Variants in FARP1 observed in about 807,000 individuals in gnomAD.
The protein encoded by FARP1 is FERM, ARH/RhoGEF and pleckstrin domain protein 1.
In FARP1, 52 loss-of-function variants were observed where a neutral mutation model predicts 128.8. The observed-to-expected ratio is 0.40, with a 90% CI of 0.32 to 0.51. The LOEUF (loss-of-function observed/expected upper bound fraction) is 0.51. Among genes scored for constraint, FARP1 ranks in the 20% least tolerant of loss-of-function variants. The pLI is 0.45. For missense variants in FARP1, 1,333 were observed against 1,367.9 expected, an observed-to-expected ratio of 0.97 and a Z score of 0.40; for synonymous variants, 580 against 551.8, an observed-to-expected ratio of 1.05 and a Z score of -0.72.
chr13:98,316,991 A>C (rs1297422018), intron 2 of FARP1, among the ~76,000 whole-genome samples: 2 of 152,184 alleles, frequency 1.3e-5, no homozygotes, highest in Non-Finnish European at 2.9e-5. Flanking sequence ...TCACCCCCAG[A>C]ATTACAGTTT....
At chr13:98,197,608 G>A (rs1174771771) in intron 1 of FARP1, among the ~76,000 whole-genome samples, 3 of 151,818 alleles carry the variant, frequency 2.0e-5, no homozygotes, top group Non-Finnish European at 4.4e-5. Flanking sequence ...AAATGGTAGA[G>A]GGCAGGAGAA....
intron 16 of FARP1, 61 bp from the exon 17 acceptor site, chr13:98,424,511 C>G (rs1041002514): frequency 5.6e-6 from 6 of 1,068,642 alleles, no homozygotes; most frequent in South Asian, 1.3e-5. Context: ...ATATTTGTAA[C>G]CCAGGGCTGT....
intron 2 of FARP1, among the ~76,000 whole-genome samples, chr13:98,285,570 G>C (rs1259734290): frequency 6.6e-6 from 1 of 152,150 alleles, no homozygotes; most frequent in Non-Finnish European, 1.5e-5. Context: ...AACCTAAGTG[G>C]ATCCTGGTTG....
intron 19 of FARP1, chr13:98,437,844 T>C: frequency 1.3e-6 from 2 of 1,596,510 alleles, no homozygotes; most frequent in Non-Finnish European, 1.7e-6. Flanking sequence ...GAGGAGGCCA[T>C]TGTTATTAGT....
At chr13:98,302,789 A>G (rs1885977571) in intron 2 of FARP1, among the ~76,000 whole-genome samples, 1 of 152,202 alleles carries the variant, frequency 6.6e-6, no homozygotes, top group South Asian at 2.1e-4. Flanking sequence ...GAGTAGGGGC[A>G]GGAGCAGCTC....
At chr13:98,427,912 T>A (rs1473009188) in intron 17 of FARP1, among the ~76,000 whole-genome samples, 2 of 152,212 alleles carry the variant, frequency 1.3e-5, no homozygotes, top group East Asian at 1.9e-4. Flanking sequence ...GGGTTTTTTT[T>A]AATTGCTGTT....
intron 16 of FARP1, among the ~76,000 whole-genome samples, chr13:98,413,023 A>T (rs1413764298): frequency 6.6e-6 from 1 of 152,220 alleles, no homozygotes. Context: ...GCCTCTGGTG[A>T]TCCCAGACTG....
At chr13:98,259,460 G>C (rs1213836817) in intron 2 of FARP1, among the ~76,000 whole-genome samples, 6 of 152,046 alleles carry the variant, frequency 3.9e-5, no homozygotes, top group African/African-American at 1.2e-4. Flanking sequence ...AGTGCAGCCT[G>C]TCTTACTGCT....
chr13:98,297,759 G>A (rs193209166), intron 2 of FARP1, among the ~76,000 whole-genome samples: 12 of 152,214 alleles, frequency 7.9e-5, no homozygotes, highest in African/African-American at 2.9e-4. Context: ...TCTCAAAAGG[G>A]TCCTGTCTCC....
At chr13:98,305,894 C>A (rs1213184918) in intron 2 of FARP1, among the ~76,000 whole-genome samples, 2 of 151,554 alleles carry the variant, frequency 1.3e-5, no homozygotes, top group Non-Finnish European at 2.9e-5. Flanking sequence ...TCTTCATTGG[C>A]CAGTTTCCCT....
chr13:98,439,824 T>G (rs542644972), intron 21 of FARP1, 137 bp from the exon 22 acceptor site: 13 of 635,046 alleles, frequency 2.0e-5, no homozygotes, highest in Non-Finnish European at 3.6e-5. Flanking sequence ...GAGTGCCTTC[T>G]CCCTCTGTGG....
At chr13:98,350,763 C>T (rs545163549) in intron 3 of FARP1, among the ~76,000 whole-genome samples, 161 of 152,242 alleles carry the variant, frequency 1.1e-3, no homozygotes, top group African/African-American at 3.6e-3. Flanking sequence ...TTCCCCTCCC[C>T]GGGCTAGCCA....
chr13:98,174,735 G>A (rs1302129949), intron 1 of FARP1, among the ~76,000 whole-genome samples: 6 of 152,004 alleles, frequency 3.9e-5, no homozygotes, highest in Non-Finnish European at 7.4e-5. Flanking sequence ...TACAATAATC[G>A]ATATGTTGAT....
At chr13:98,295,534 T>C (rs1885649537) in intron 2 of FARP1, among the ~76,000 whole-genome samples, 1 of 152,196 alleles carries the variant, frequency 6.6e-6, no homozygotes, top group Non-Finnish European at 1.5e-5. Flanking sequence ...AGCCTGCAGA[T>C]AAAAATAACC....
chr13:98,273,449 C>T (rs879695544), intron 2 of FARP1, among the ~76,000 whole-genome samples: 3 of 152,172 alleles, frequency 2.0e-5, no homozygotes, highest in Admixed American at 6.5e-5. Context: ...GGGGATGTAA[C>T]GAGGTATGTC....
intron 2 of FARP1, among the ~76,000 whole-genome samples, chr13:98,301,122 A>G (rs367723528): frequency 6.6e-6 from 1 of 152,224 alleles, no homozygotes; most frequent in African/African-American, 2.4e-5. Context: ...TACAAGGCAT[A>G]GGACAGTCCA....
At chr13:98,151,019 C>G (rs1164502927) in intron 1 of FARP1, among the ~76,000 whole-genome samples, 1 of 120,666 alleles carries the variant, frequency 8.3e-6, no homozygotes, top group Non-Finnish European at 2.0e-5. Context: ...GTTTCAGTTA[C>G]CCACGGTCAA....
At chr13:98,183,357 G>A (rs1878655055) in intron 1 of FARP1, among the ~76,000 whole-genome samples, 1 of 151,824 alleles carries the variant, frequency 6.6e-6, no homozygotes, top group African/African-American at 2.4e-5. Context: ...TCAGTTCTTT[G>A]GAACTTCATA....
rs369254773 is a variant in FARP1, at chr13:98,388,040, G to A, written c.760-343G>A. Among the ~76,000 whole-genome samples the A allele has an allele frequency of 8.5e-5, 13 of 152,284 alleles. No individual in the cohort carries two copies. The East Asian group carries it at 2.5e-3, about 29-fold the overall frequency. On this transcript the variant is annotated intron_variant, in intron 8 of 26. Transcript: ENST00000319562. ...AAGATACAGTATATAAAGCCCTCAG[G>A]ATGGTACCTGGCGCTTCCTAAGTCC...
Sources: gnomAD v4.1 joint callset for allele counts (sites outside exome capture counted in the v4.1 genomes callset) on GRCh38, gnomAD v4.1.1 for gene constraint, MANE v1.5 for transcripts, NCBI Gene and HGNC (gene_info 2026-07-23, HGNC 2026-07-21) for gene names.